Variants in SLAIN2 observed in about 807,000 individuals in gnomAD.
The protein encoded by SLAIN2 is SLAIN family member 2.
SLAIN2 carries 31 observed loss-of-function variants against 56.6 expected under a neutral mutation model. The observed-to-expected ratio is 0.55, with a 90% CI of 0.41 to 0.74. SLAIN2 has a LOEUF of 0.74. SLAIN2 is among the 30% of genes least tolerant of loss of function. The pLI is 0.00. For synonymous variants in SLAIN2, 317 were observed against 284.9 expected (o/e 1.11, Z -1.13); for missense variants, 777 against 754.2 (o/e 1.03, Z -0.35).
intron 2 of SLAIN2, among the ~76,000 whole-genome samples, chr4:48,376,437 A>T (rs752314594): frequency 7.2e-6 from 1 of 139,398 alleles, no homozygotes; most frequent in Non-Finnish European, 1.5e-5. Context: ...CCTGGGTGAC[A>T]GCAAAACTTT....
In SLAIN2 at chr4:48,379,814, T is replaced by C; in HGVS notation, c.828T>C (p.Thr276=). The C allele has an allele frequency of 1.9e-6, 3 of 1,579,078 alleles. No individual in the cohort carries two copies. The highest frequency in any genetic ancestry group is 2.6e-6 in the Non-Finnish European group (3 of 1,167,880). The change falls in exon 4 of 8, where the codon ACT becomes ACC. Residue 276 remains threonine (T), a synonymous_variant. Coordinates refer to ENST00000264313, the MANE Select transcript of SLAIN2 (RefSeq NM_020846.2). ...IGSNYKLNDV[T]DVQILARMQE... is the part of the protein sequence containing the mutation. Reference sequence around the variant, plus strand: ...CCAATTATAAGCTAAATGATGTAACTGATGTACAGATTCTAGCCCGGATGC... The same window carrying C: ...CCAATTATAAGCTAAATGATGTAACCGATGTACAGATTCTAGCCCGGATGC...
chr4:48,368,198 G>A (rs1359226926), intron 1 of SLAIN2, among the ~76,000 whole-genome samples: 1 of 151,674 alleles, frequency 6.6e-6, no homozygotes, highest in Non-Finnish European at 1.5e-5. Context: ...ACGGGTGCCC[G>A]CCACCACACC....
intron 6 of SLAIN2, among the ~76,000 whole-genome samples, chr4:48,397,300 C>G (rs1393195078): frequency 1.3e-5 from 2 of 152,046 alleles, no homozygotes; most frequent in Non-Finnish European, 2.9e-5. Context: ...AGAAGACATT[C>G]ATGCGGCCAA....
chr4:48,365,780 C>G (rs747077704), intron 1 of SLAIN2, among the ~76,000 whole-genome samples: 1 of 152,124 alleles, frequency 6.6e-6, no homozygotes, highest in Non-Finnish European at 1.5e-5. Context: ...CCAGGCTGAT[C>G]TTGAACTCCT....
In SLAIN2 at chr4:48,425,339, T is replaced by C. The variant is rs756354911; in HGVS notation, c.*3262T>C. 6.6e-6 allele frequency: 1 copy of C among 152,158 alleles called. No individual in the cohort carries two copies. The highest frequency in any genetic ancestry group is 1.5e-5 in the Non-Finnish European group (1 of 67,996). 9.4% of individuals were successfully genotyped at this position (152,158 alleles called of 1,614,324 possible). On this transcript the variant is annotated 3_prime_UTR_variant, in exon 8 of 8. Transcript: ENST00000264313. ...CTAGCATTTGCCTAGATCATAACTA[T>C]GTATGGTATCTAGTTAGAAAAAAAC... is the stretch of plus-strand genomic sequence containing the variant.
Position 48,342,111 on chromosome 4 carries a change from G to A in SLAIN2, c.372G>A (p.Glu124=), listed in dbSNP as rs1714727169. Residue 124 remains glutamate, a synonymous_variant, in exon 1 of 8, where the codon GAG becomes GAA. Coordinates refer to ENST00000264313, the MANE Select transcript of SLAIN2 (RefSeq NM_020846.2). ...AGCTGGAGCGCCTGTCAGGCTGGGA[G>A]GAGGAGGAGGAGAGCTGGTGAGCGC... is the stretch of plus-strand genomic sequence containing the variant. ...PDELERLSGW[E]EEEESWLYSS... 1.5e-6 allele frequency: 2 copies of A among 1,362,330 alleles called. No individual in the cohort carries two copies. Among genetic ancestry groups the A allele is most frequent in the African/African-American group, 1.5e-5 (1 of 65,076 alleles). 84.4% of individuals were successfully genotyped at this position (1,362,330 alleles called of 1,614,324 possible). A position where few individuals can be genotyped will look rare whatever the true frequency, so the allele number is the denominator to read the frequency against.
intron 1 of SLAIN2, among the ~76,000 whole-genome samples, chr4:48,365,737 T>A (rs1021014410): frequency 1.3e-5 from 2 of 151,880 alleles, no homozygotes; most frequent in Non-Finnish European, 2.9e-5. Context: ...AATTTTTGTA[T>A]TTTTTGGTAG....
Position 48,382,695 on chromosome 4 carries a change from T to C in SLAIN2, c.990T>C (p.Asn330=). 6.2e-7 allele frequency: 1 copy of C among 1,613,816 alleles called. No homozygotes were observed. The highest frequency in any genetic ancestry group is 8.5e-7 in the Non-Finnish European group (1 of 1,179,864). The change falls in exon 5 of 8, where the codon AAT becomes AAC. Residue 330 remains asparagine, a synonymous_variant. Coordinates refer to ENST00000264313, the MANE Select transcript of SLAIN2 (RefSeq NM_020846.2). ...AAAGTTTAGATGATGAAGATGACAA[T>C]ATGCATCATGCAGTATACCCTGCTG... ...DAQSLDDEDD[N]MHHAVYPAVN...
rs575498550 is a variant in SLAIN2, at chr4:48,362,104, A to T, written c.390-7745A>T. Among the ~76,000 whole-genome samples, 8 of 149,406 alleles carry T rather than the reference A, an allele frequency of 5.4e-5. No individual in the cohort carries two copies. The East Asian group carries it at 1.6e-3, about 29-fold the overall frequency. On this transcript the variant is annotated intron_variant, in intron 1 of 7. Transcript: ENST00000264313. Reference sequence around the variant, plus strand: ...TGCAGGATCATGTCTGCGATTAAACATGTTTTACTTCTTTCTTTTCAATCA... The same window carrying T: ...TGCAGGATCATGTCTGCGATTAAACTTGTTTTACTTCTTTCTTTTCAATCA...
rs181228858 is a variant in SLAIN2 at position 48,345,388 on chromosome 4, T to C, written c.389+3260T>C. ...TCCTTCGACCATGGTTATTTTTTTCTTAATTAACTCTAAGTTGCTCATTGT... is the reference window on the plus strand; with the variant it reads ...TCCTTCGACCATGGTTATTTTTTTCCTAATTAACTCTAAGTTGCTCATTGT... On this transcript the variant is annotated intron_variant, in intron 1 of 7. Coordinates refer to ENST00000264313, the MANE Select transcript of SLAIN2 (RefSeq NM_020846.2). Among the ~76,000 whole-genome samples the C allele has an allele frequency of 2.8e-4, 42 of 152,350 alleles. 1 individual carries two copies. The highest frequency in any genetic ancestry group is 1.8e-3 in the Admixed American group (27 of 15,310).
Position 48,341,579 on chromosome 4 carries a change from T to G in SLAIN2, c.-161T>G. The G allele has an allele frequency of 2.6e-6, 3 of 1,155,274 alleles. No individual in the cohort carries two copies. Among genetic ancestry groups the G allele is most frequent in the Non-Finnish European group, 3.4e-6 (3 of 874,624 alleles). 71.6% of individuals were successfully genotyped at this position (1,155,274 alleles called of 1,614,324 possible). On this transcript the variant is annotated 5_prime_UTR_variant, in exon 1 of 8. Coordinates refer to ENST00000264313, the MANE Select transcript of SLAIN2 (RefSeq NM_020846.2). ...CAGTTCGGCTGGGGCCAGCGGCGCT[T>G]TGGAACCCGAGGTGGGGGGACCCTG... is the stretch of plus-strand genomic sequence containing the variant.
Position 48,367,865 on chromosome 4 carries a change from A to G in SLAIN2, c.390-1984A>G, listed in dbSNP as rs573093312. Among the ~76,000 whole-genome samples, 6 of 152,268 alleles carry G rather than the reference A, an allele frequency of 3.9e-5. 1 individual carries two copies. Among genetic ancestry groups the G allele is most frequent in the African/African-American group, 1.4e-4 (6 of 41,538 alleles). On this transcript the variant is annotated intron_variant, in intron 1 of 7. Coordinates refer to ENST00000264313, the MANE Select transcript of SLAIN2 (RefSeq NM_020846.2). ...TATTTACAATGATCAAACCATTACC[A>G]TAATTATCACTATCATATAATTTTA... is the stretch of plus-strand genomic sequence containing the variant.
chr4:48,342,711 C>CATT, intron 1 of SLAIN2, among the ~76,000 whole-genome samples: 1 of 65,938 alleles, frequency 1.5e-5, no homozygotes, highest in Non-Finnish European at 2.6e-5. Flanking sequence ...GATGGTGCTG[C>CATT]TTTTTTTTTT....
At chr4:48,346,767 A>G (rs1714877496) in intron 1 of SLAIN2, among the ~76,000 whole-genome samples, 1 of 151,826 alleles carries the variant, frequency 6.6e-6, no homozygotes, top group Admixed American at 6.6e-5. Flanking sequence ...CTTTAAAGTA[A>G]TGTGGTTTGT....
rs1455417840 is a variant in SLAIN2, at chr4:48,382,718, C to T, written c.1013C>T (p.Ala338Val). 1 of 1,613,812 alleles carries T rather than the reference C, an allele frequency of 6.2e-7. No homozygotes were observed. Reference protein sequence around the residue: ...DDNMHHAVYPAVNRFSPSPRN... With the variant: ...DDNMHHAVYPVVNRFSPSPRN... ...AATATGCATCATGCAGTATACCCTG[C>T]TGTTAACAGGTTTTCACCATCACCA... The change falls in exon 5 of 8, where the codon GCT becomes GTT. Residue 338 changes from alanine to valine, a missense_variant. Transcript: ENST00000264313.
At chr4:48,409,901 A>AATG (rs149043076) in intron 6 of SLAIN2, among the ~76,000 whole-genome samples, 3,167 of 152,230 alleles carry the variant, frequency 0.021, 115 homozygotes, top group African/African-American at 0.072. Flanking sequence ...TAATAATAAT[A>AATG]ATGCTGTGAA....
At chr4:48,412,426 TC>T (rs1716889302) in intron 6 of SLAIN2, among the ~76,000 whole-genome samples, 1 of 146,828 alleles carries the variant, frequency 6.8e-6, no homozygotes, top group Non-Finnish European at 1.5e-5. Flanking sequence ...ATTCCCTCTC[TC>T]TCTCTCTCTC....
intron 1 of SLAIN2, among the ~76,000 whole-genome samples, chr4:48,354,307 A>G (rs1244353658): frequency 6.6e-6 from 1 of 152,138 alleles, no homozygotes; most frequent in Admixed American, 6.5e-5. Context: ...CATCACTTCT[A>G]GCTTGGGTGA....
At chr4:48,398,524 C>A (rs1285724555) in intron 6 of SLAIN2, among the ~76,000 whole-genome samples, 3 of 152,094 alleles carry the variant, frequency 2.0e-5, no homozygotes, top group Admixed American at 2.0e-4. Flanking sequence ...TCAGTTTTTG[C>A]GTTTGTTGCA....
Sources: allele counts gnomAD v4.1 joint callset (sites outside exome capture counted in the v4.1 genomes callset), GRCh38; gene constraint gnomAD v4.1.1; transcripts MANE v1.5; gene names NCBI Gene and HGNC (gene_info 2026-07-23, HGNC 2026-07-21).